Variants in UST observed in about 807,000 individuals in gnomAD.
UST encodes chondroitin sulfate 2-O-sulfotransferase.
UST carries 21 observed loss-of-function variants against 45.6 expected under a neutral mutation model. The ratio of observed to expected loss-of-function variants is 0.46; its 90% CI spans 0.33 to 0.66. UST has a LOEUF of 0.66. Ranked by LOEUF, UST falls within the 30% of genes least tolerant of loss-of-function variation. UST has a pLI of 0.02. For missense variants in UST, 463 were observed against 512.4 expected (o/e 0.90, Z 0.93); for synonymous variants, 215 against 200.6 (o/e 1.07, Z -0.61).
At chr6:148,755,370 A>C (rs1776075325) in intron 1 of UST, among the ~76,000 whole-genome samples, 1 of 152,226 alleles carries the variant, frequency 6.6e-6, no homozygotes, top group Non-Finnish European at 1.5e-5. Flanking sequence ...AATGACAGAA[A>C]ATTTTAGTAG....
chr6:148,833,011 G>A (rs1227878661), intron 1 of UST, among the ~76,000 whole-genome samples: 2 of 152,134 alleles, frequency 1.3e-5, no homozygotes. Flanking sequence ...AAGTATAGGA[G>A]CTCCCTTATC....
chr6:148,900,001 G>GT (rs1386671484), intron 2 of UST, among the ~76,000 whole-genome samples: 3 of 152,196 alleles, frequency 2.0e-5, no homozygotes, highest in African/African-American at 7.2e-5. Context: ...GTAGACAGGA[G>GT]TGACAGCTGA....
intron 1 of UST, among the ~76,000 whole-genome samples, chr6:148,761,384 T>C (rs1285835231): frequency 6.6e-6 from 1 of 152,196 alleles, no homozygotes; most frequent in Non-Finnish European, 1.5e-5. Context: ...TAGAATGCAG[T>C]GTCTTGCCTG....
Position 149,021,198 on chromosome 6 carries a change from C to A in UST, c.780-126C>A. The stretch of plus-strand genomic sequence containing the variant: ...TGGATGGGGCTACATCTGGGCTGGT[C>A]CTTGAGGGAAACAGGATTTGGACTT... On this transcript the variant is annotated intron_variant, in intron 6 of 7. Transcript: ENST00000367463. The A allele has an allele frequency of 2.8e-6, 3 of 1,088,592 alleles. No individual in the cohort carries two copies. The South Asian group carries it at 4.8e-5, about 17-fold the overall frequency. 67.4% of individuals were successfully genotyped at this position (1,088,592 alleles called of 1,614,324 possible).
At chr6:148,889,327 A>T (rs1013328907) in intron 2 of UST, among the ~76,000 whole-genome samples, 4 of 152,214 alleles carry the variant, frequency 2.6e-5, no homozygotes, top group African/African-American at 9.7e-5. Flanking sequence ...AGAGAGAGTG[A>T]TATGGCTATT....
Position 148,990,748 on chromosome 6 carries a change from C to T in UST, c.681+26185C>T, listed in dbSNP as rs1019892504. 2.6e-5 allele frequency among the ~76,000 whole-genome samples: 4 copies of T among 152,290 alleles called. No homozygotes were observed. In the East Asian group the frequency reaches 7.7e-4, roughly 29 times the overall value. ...AGCGCAACTTCTCTCTAAAACTACT[C>T]ACTTTAAATCATGAGACTAGCTGCA... On this transcript the variant is annotated intron_variant, in intron 5 of 7. Coordinates refer to ENST00000367463, the MANE Select transcript of UST (RefSeq NM_005715.3).
At chr6:149,033,180 TGTG>T (rs1437176972) in intron 7 of UST, among the ~76,000 whole-genome samples, 4 of 152,200 alleles carry the variant, frequency 2.6e-5, no homozygotes, top group African/African-American at 9.7e-5. Context: ...CAGGAATTAA[TGTG>T]GTGATGTGGA....
chr6:148,788,395 C>G (rs1054193892), intron 1 of UST, among the ~76,000 whole-genome samples: 2 of 151,866 alleles, frequency 1.3e-5, no homozygotes, highest in Non-Finnish European at 1.5e-5. Context: ...TATTAATTAG[C>G]CAGGATAAAC....
At chr6:148,819,137 AT>A (rs1162858179) in intron 1 of UST, among the ~76,000 whole-genome samples, 10 of 152,218 alleles carry the variant, frequency 6.6e-5, no homozygotes, top group Non-Finnish European at 1.5e-5. Flanking sequence ...GGTAGGGCAG[AT>A]TTGCAGAAGA....
chr6:148,948,492 T>C (rs1440861860), intron 3 of UST, among the ~76,000 whole-genome samples: 1 of 152,212 alleles, frequency 6.6e-6, no homozygotes, highest in African/African-American at 2.4e-5. Flanking sequence ...GATTAGGAAT[T>C]ACTTACTGAT....
chr6:149,049,086 A>C (rs1048432921), intron 7 of UST, among the ~76,000 whole-genome samples: 1 of 152,232 alleles, frequency 6.6e-6, no homozygotes, highest in Non-Finnish European at 1.5e-5. Flanking sequence ...TTGTATATTA[A>C]AATTGATGTG....
chr6:148,798,805 G>A (rs1776998662), intron 1 of UST, among the ~76,000 whole-genome samples: 1 of 152,170 alleles, frequency 6.6e-6, no homozygotes, highest in Non-Finnish European at 1.5e-5. Flanking sequence ...AGAGGGAAAT[G>A]AATGAGGCTT....
At chr6:148,831,164 T>C (rs1247780005) in intron 1 of UST, among the ~76,000 whole-genome samples, 1 of 152,194 alleles carries the variant, frequency 6.6e-6, no homozygotes, top group Non-Finnish European at 1.5e-5. Flanking sequence ...TTGTGCCCTT[T>C]GCTTTCGTCT....
At chr6:148,914,215 T>G (rs1779537343) in intron 2 of UST, among the ~76,000 whole-genome samples, 1 of 152,238 alleles carries the variant, frequency 6.6e-6, no homozygotes, top group Admixed American at 6.5e-5. Flanking sequence ...TCTCTTTTTT[T>G]GCAATATTGT....
chr6:148,918,663 T>G (rs538430513), intron 2 of UST, among the ~76,000 whole-genome samples: 6 of 152,382 alleles, frequency 3.9e-5, no homozygotes, highest in African/African-American at 1.4e-4. Flanking sequence ...ATTTTATGAT[T>G]AGGCTCCGCC....
At chr6:148,979,006 G>T (rs143563871) in intron 5 of UST, among the ~76,000 whole-genome samples, 8 of 152,210 alleles carry the variant, frequency 5.3e-5, no homozygotes, top group Admixed American at 3.9e-4. Flanking sequence ...AGCAGCATCA[G>T]TCTCAACAAC....
Position 148,747,603 on chromosome 6 carries a change from T to C in UST, c.173T>C (p.Phe58Ser). ...TTCTGCATGGCCACCCTGCTGGTCTTCTGCCTGGGCTCCCTCCTCTATCAG... is the reference window on the plus strand; with the variant it reads ...TTCTGCATGGCCACCCTGCTGGTCTCCTGCCTGGGCTCCCTCCTCTATCAG... ...YGFCMATLLV[F>S]CLGSLLYQLS... The change falls in exon 1 of 8, where the codon TTC becomes TCC. Residue 58 changes from phenylalanine to serine, a missense_variant. By Grantham distance (155) the Phe-to-Ser change is radical. Coordinates refer to ENST00000367463, the MANE Select transcript of UST (RefSeq NM_005715.3). 1.2e-6 allele frequency: 2 copies of C among 1,600,952 alleles called. No individual in the cohort carries two copies. The highest frequency in any genetic ancestry group is 1.7e-6 in the Non-Finnish European group (2 of 1,175,026).
intron 7 of UST, among the ~76,000 whole-genome samples, chr6:149,064,987 C>A (rs1312330083): frequency 6.6e-6 from 1 of 152,014 alleles, no homozygotes; most frequent in Non-Finnish European, 1.5e-5. Flanking sequence ...AAGGGAGGAG[C>A]TCTGTATTCG....
chr6:148,847,615 A>G (rs1013427120), intron 1 of UST, among the ~76,000 whole-genome samples: 3 of 152,204 alleles, frequency 2.0e-5, no homozygotes, highest in Admixed American at 2.0e-4. Flanking sequence ...GGTGGGGAGA[A>G]CTGGGAGGTT....
Sources: allele counts gnomAD v4.1 joint callset (sites outside exome capture counted in the v4.1 genomes callset), GRCh38; gene constraint gnomAD v4.1.1; transcripts MANE v1.5; gene names NCBI Gene and HGNC (gene_info 2026-07-23, HGNC 2026-07-21).